NRG1: variants seen among roughly 807,000 people sequenced by gnomAD.
The protein encoded by NRG1 is neuregulin 1, also known as pro-neuregulin-1, membrane-bound isoform.
Under a neutral mutation model 63.8 loss-of-function variants are expected in NRG1, and 18 were observed. The observed-to-expected ratio is 0.28, with a 90% CI of 0.19 to 0.42. NRG1 has a LOEUF of 0.42. Ranked by LOEUF, NRG1 falls within the 10% of genes least tolerant of loss-of-function variation. The pLI is 1.00. For synonymous variants in NRG1, 302 were observed against 301.3 expected, an observed-to-expected ratio of 1.00 and a Z score of -0.02; for missense variants, 762 against 814.7, an observed-to-expected ratio of 0.94 and a Z score of 0.79.
chr8:32,462,595 C>CTTTTTTTTTTTTTT (rs58485445), intron 1 of NRG1, among the ~76,000 whole-genome samples: 2 of 72,274 alleles, frequency 2.8e-5, no homozygotes, highest in African/African-American at 5.2e-5. Context: ...CACACTGATT[C>CTTTTTTTTTTTTTT]TTTTTTTTTT....
chr8:32,625,470 C>T (rs1849049847), intron 5 of NRG1, among the ~76,000 whole-genome samples: 1 of 152,168 alleles, frequency 6.6e-6, no homozygotes. Context: ...GAATACCAAA[C>T]TTTAAAGAGC....
chr8:31,815,676 C>T (rs1345798451), intron 1 of NRG1, among the ~76,000 whole-genome samples: 1 of 152,154 alleles, frequency 6.6e-6, no homozygotes, highest in African/African-American at 2.4e-5. Flanking sequence ...ATACTGTTTT[C>T]CACAGCATCT....
chr8:31,737,194 C>A (rs577762108), intron 1 of NRG1, among the ~76,000 whole-genome samples: 2 of 152,160 alleles, frequency 1.3e-5, no homozygotes, highest in African/African-American at 2.4e-5. Context: ...ATTTGATACA[C>A]CTTCTCCAGT....
At chr8:32,573,073 T>G (rs954541504) in intron 1 of NRG1, among the ~76,000 whole-genome samples, 37 of 152,192 alleles carry the variant, frequency 2.4e-4, no homozygotes, top group Admixed American at 3.3e-4. Flanking sequence ...CTTATCTGAA[T>G]GGGGTTCTAG....
chr8:32,645,627 C>T (rs1853356432), intron 5 of NRG1, among the ~76,000 whole-genome samples: 1 of 152,088 alleles, frequency 6.6e-6, no homozygotes, highest in Admixed American at 6.6e-5. Context: ...TTTCTCAGGA[C>T]TTGAATTCTA....
chr8:31,672,127 C>T (rs1807216821), intron 1 of NRG1, among the ~76,000 whole-genome samples: 1 of 151,904 alleles, frequency 6.6e-6, no homozygotes, highest in South Asian at 2.1e-4. Context: ...GTGTTTTTTC[C>T]TCCCTGTTAA....
chr8:31,873,559 AAAAAC>A (rs763554964), intron 1 of NRG1, among the ~76,000 whole-genome samples: 13 of 152,182 alleles, frequency 8.5e-5, no homozygotes, highest in East Asian at 3.9e-4. Flanking sequence ...ACTCCGTCTG[AAAAAC>A]AAAACAAAAC....
At chr8:31,864,921 A>G (rs1001750749) in intron 1 of NRG1, among the ~76,000 whole-genome samples, 2 of 151,878 alleles carry the variant, frequency 1.3e-5, no homozygotes, top group African/African-American at 4.8e-5. Context: ...AGCACCACTG[A>G]CCTCTCTGTT....
intron 1 of NRG1, among the ~76,000 whole-genome samples, chr8:31,856,935 T>TCAGGG (rs1827945508): frequency 6.6e-6 from 1 of 151,172 alleles, no homozygotes; most frequent in Non-Finnish European, 1.5e-5. Flanking sequence ...GGGGGTCAGG[T>TCAGGG]GTCAGGGACC....
intron 1 of NRG1, among the ~76,000 whole-genome samples, chr8:32,228,883 G>A (rs1415253301): frequency 6.6e-6 from 1 of 152,138 alleles, no homozygotes; most frequent in Non-Finnish European, 1.5e-5. Context: ...ATAAACTTGA[G>A]TCTCTTGTTT....
chr8:31,928,649 T>TACAC (rs35727947), intron 1 of NRG1, among the ~76,000 whole-genome samples: 6,114 of 148,170 alleles, frequency 0.041, 395 homozygotes, highest in African/African-American at 0.14. Flanking sequence ...TATATATATA[T>TACAC]ACACACACAC....
intron 1 of NRG1, among the ~76,000 whole-genome samples, chr8:32,239,561 G>A (rs1847905878): frequency 6.6e-6 from 1 of 151,840 alleles, no homozygotes; most frequent in Admixed American, 6.6e-5. Context: ...AATCAACTGG[G>A]ACCTCATCAA....
At position 32,742,293 on chromosome 8, in the gene NRG1, G is replaced by A. The variant is rs928367422; in HGVS notation, c.633-382G>A. Among the ~76,000 whole-genome samples, 7 of 152,080 alleles carry A rather than the reference G, an allele frequency of 4.6e-5. No individual in the cohort carries two copies. Among genetic ancestry groups the A allele is most frequent in the Non-Finnish European group, 7.4e-5 (5 of 68,022 alleles). ...CAAGAATGGCCAGTCACGATGGCCC[G>A]TGATGCTGACAAACTATTGCAGGCA... On this transcript the variant is annotated intron_variant, in intron 6 of 11. Transcript: ENST00000356819. This position sits in a 1 kb window ranked among gnomAD's most constrained non-coding sequence, Gnocchi z 4.2.
intron 1 of NRG1, among the ~76,000 whole-genome samples, chr8:31,868,915 A>G (rs1010463224): frequency 6.6e-6 from 1 of 152,224 alleles, no homozygotes; most frequent in African/African-American, 2.4e-5. Flanking sequence ...TTCTATCTCA[A>G]GTGATCACCT....
chr8:32,080,083 A>G (rs758224491), intron 1 of NRG1, among the ~76,000 whole-genome samples: 1 of 152,204 alleles, frequency 6.6e-6, no homozygotes, highest in South Asian at 2.1e-4. Flanking sequence ...TGATGCATCT[A>G]CTTAGCAATG....
intron 1 of NRG1, among the ~76,000 whole-genome samples, chr8:31,849,705 T>A (rs1586796297): frequency 6.6e-6 from 1 of 152,312 alleles, no homozygotes; most frequent in East Asian, 1.9e-4. Flanking sequence ...ATGTTTGCTG[T>A]ATCACACTTC....
intron 1 of NRG1, among the ~76,000 whole-genome samples, chr8:32,493,758 C>G (rs925079336): frequency 2.0e-5 from 3 of 152,042 alleles, no homozygotes; most frequent in African/African-American, 7.2e-5. Flanking sequence ...TTAATGTTGC[C>G]TGAAGTTGAA....
chr8:31,809,123 A>G, intron 1 of NRG1, among the ~76,000 whole-genome samples: 1 of 152,028 alleles, frequency 6.6e-6, no homozygotes, highest in African/African-American at 2.4e-5. Flanking sequence ...GGATATCTAT[A>G]CCAATCTAAT....
intron 1 of NRG1, among the ~76,000 whole-genome samples, chr8:31,713,419 CCTT>C (rs1162560249): frequency 6.6e-6 from 1 of 151,952 alleles, no homozygotes; most frequent in Non-Finnish European, 1.5e-5. Context: ...CCTGGCCACT[CCTT>C]CTAATTTTTA....
Sources: allele counts gnomAD v4.1 joint callset (sites outside exome capture counted in the v4.1 genomes callset), GRCh38; gene constraint gnomAD v4.1.1; non-coding constraint Gnocchi (gnomAD v3.1); transcripts MANE v1.5; gene names NCBI Gene and HGNC (gene_info 2026-07-23, HGNC 2026-07-21).